The following SPTBN1 variants were observed in gnomAD, a reference collection of about 807,000 sequenced individuals.
The protein encoded by SPTBN1 is spectrin beta chain, non-erythrocytic 1.
A neutral mutation model predicts 266.4 loss-of-function variants in SPTBN1; 32 were observed. The observed-to-expected ratio is 0.12, with a 90% CI of 0.09 to 0.16. SPTBN1 has a LOEUF of 0.16. SPTBN1 is among the 10% of genes least tolerant of loss of function. The pLI, the probability that SPTBN1 is intolerant of heterozygous loss-of-function variation, is 1.00. For missense variants in SPTBN1, 2,296 were observed against 3,067.1 expected (o/e 0.75, Z 5.94); for synonymous variants, 1,336 against 1,162.2 (o/e 1.15, Z -3.04).
At chr2:54,504,688 G>T (rs544699218) in intron 1 of SPTBN1, among the ~76,000 whole-genome samples, 26 of 152,104 alleles carry the variant, frequency 1.7e-4, no homozygotes, top group African/African-American at 6.3e-4. Context: ...CATGGATTTT[G>T]GTATTCATAA....
intron 2 of SPTBN1, among the ~76,000 whole-genome samples, chr2:54,543,791 CA>C (rs1302654762): frequency 2.0e-5 from 3 of 151,480 alleles, no homozygotes; most frequent in East Asian, 3.9e-4. Flanking sequence ...CCTCCCACCC[CA>C]AAAAAAATGA....
At chr2:54,630,824 T>TTTTTTTTTTTTTCTG in intron 15 of SPTBN1, 31 bp from the exon 16 acceptor site, 1 of 1,531,824 alleles carries the variant, frequency 6.5e-7, no homozygotes. Context: ...CTTCCCTTTT[T>TTTTTTTTTTTTTCTG]CACACTCGCT....
intron 2 of SPTBN1, among the ~76,000 whole-genome samples, chr2:54,588,175 T>G (rs1675415547): frequency 6.6e-6 from 1 of 152,160 alleles, no homozygotes; most frequent in Non-Finnish European, 1.5e-5. Flanking sequence ...CTATGGGGTA[T>G]CATCAGCCTC....
chr2:54,618,331 T>G (rs923134621), intron 7 of SPTBN1, 138 bp downstream of exon 7: 1 of 704,440 alleles, frequency 1.4e-6, no homozygotes, highest in African/African-American at 1.8e-5. Context: ...GGGAATTTTT[T>G]GAGGATTTAT....
chr2:54,559,185 TCA>T (rs1673102775), intron 2 of SPTBN1, among the ~76,000 whole-genome samples: 1 of 152,230 alleles, frequency 6.6e-6, no homozygotes, highest in Non-Finnish European at 1.5e-5. Flanking sequence ...AGATCAGTGC[TCA>T]TAGACTTATT....
chr2:54,557,859 G>T, intron 2 of SPTBN1: 1 of 985,420 alleles, frequency 1.0e-6, no homozygotes, highest in Non-Finnish European at 1.2e-6. Context: ...GCTGCACAGC[G>T]CCCTGAGAGT....
chr2:54,657,162 G>T (rs1323859627), intron 29 of SPTBN1, among the ~76,000 whole-genome samples: 1 of 152,206 alleles, frequency 6.6e-6, no homozygotes, highest in Non-Finnish European at 1.5e-5. Flanking sequence ...TGGAACTAGT[G>T]TTCCATTTCC....
Position 54,558,457 on chromosome 2 carries a change from T to G in SPTBN1, c.148+31891T>G. ...ACCGTGGCATGCTTAGGATTGGCCA[T>G]ATTTAAAAGTTCTGAAGTAGAACCT... On this transcript the variant is annotated intron_variant, in intron 2 of 35. Transcript: ENST00000356805. This position sits in a 1 kb window ranked among gnomAD's most constrained non-coding sequence, Gnocchi z 4.6. The G allele has an allele frequency of 1.9e-6, 2 of 1,057,058 alleles. No homozygotes were observed. The highest frequency in any genetic ancestry group is 1.1e-6 in the Non-Finnish European group (1 of 875,970). 65.5% of individuals were successfully genotyped at this position (1,057,058 alleles called of 1,614,324 possible).
At chr2:54,494,476 A>G (rs35091831) in intron 1 of SPTBN1, among the ~76,000 whole-genome samples, 1,947 of 152,318 alleles carry the variant, frequency 0.013, 22 homozygotes, top group Non-Finnish European at 0.021. Context: ...AGTAACCCCA[A>G]ACTGGAAACA....
chr2:54,510,047 C>T (rs1310469658), intron 1 of SPTBN1, among the ~76,000 whole-genome samples: 1 of 151,514 alleles, frequency 6.6e-6, no homozygotes, highest in Non-Finnish European at 1.5e-5. Context: ...CAACCTCCGC[C>T]TCCCAGGCTC....
chr2:54,653,756 G>A lies in SPTBN1; in HGVS notation c.5725G>A (p.Asp1909Asn). Residue 1909 changes from aspartate to asparagine, a missense_variant, in exon 27 of 36, where the codon GAC (aspartate) becomes AAC (asparagine). Physicochemically the swap from Asp to Asn is conservative, Grantham distance 23. Around this residue, in one of 12 missense-constraint regions of SPTBN1, gnomAD observed 644 missense variants for 745.3 expected, o/e 0.86. Coordinates refer to ENST00000356805, the MANE Select transcript of SPTBN1 (RefSeq NM_003128.3). The surrounding 1 kb of genome is among the most constrained non-coding windows in gnomAD (Gnocchi z 5.1). The part of the protein sequence containing the change: ...ACESRRVRLV[D>N]TGDKFRFFSM... ...TGAGAGCCGCAGGGTGCGGCTGGTG[G>A]ACACAGGGGACAAGTTCCGCTTCTT... 1 of 1,614,220 alleles carries A rather than the reference G, an allele frequency of 6.2e-7. No individual in the cohort carries two copies. The highest frequency in any genetic ancestry group is 8.5e-7 in the Non-Finnish European group (1 of 1,180,038).
chr2:54,644,835 C>G (rs1327827370), intron 20 of SPTBN1, among the ~76,000 whole-genome samples: 1 of 152,132 alleles, frequency 6.6e-6, no homozygotes, highest in African/African-American at 2.4e-5. Context: ...TGATAATTTT[C>G]TTAGTTAATG....
At chr2:54,567,975 A>G (rs1673781379) in intron 2 of SPTBN1, among the ~76,000 whole-genome samples, 1 of 152,164 alleles carries the variant, frequency 6.6e-6, no homozygotes, top group African/African-American at 2.4e-5. Context: ...TAGATAGATG[A>G]CTTGGGGTTT....
chr2:54,650,369 A>G (rs1275623910), intron 26 of SPTBN1, among the ~76,000 whole-genome samples: 4 of 152,220 alleles, frequency 2.6e-5, no homozygotes, highest in African/African-American at 9.6e-5. Flanking sequence ...CTGGAAAAAG[A>G]AAAAAACAGG....
chr2:54,576,229 A>G (rs535988956), intron 2 of SPTBN1, among the ~76,000 whole-genome samples: 4 of 151,420 alleles, frequency 2.6e-5, no homozygotes, highest in African/African-American at 7.3e-5. Flanking sequence ...TAATGTTTGT[A>G]TTTTAGTAGA....
At chr2:54,569,007 G>A (rs114137055) in intron 2 of SPTBN1, among the ~76,000 whole-genome samples, 4,921 of 152,248 alleles carry the variant, frequency 0.032, 106 homozygotes, top group Non-Finnish European at 0.051. Context: ...AGGTTTTAGC[G>A]CTAATAGTGG....
chr2:54,587,509 G>C (rs1675371300), intron 2 of SPTBN1, among the ~76,000 whole-genome samples: 1 of 152,180 alleles, frequency 6.6e-6, no homozygotes, highest in African/African-American at 2.4e-5. Flanking sequence ...TATCTATTTA[G>C]TTCTAAGTTT....
chr2:54,560,880 C>T (rs1009461890), intron 2 of SPTBN1, among the ~76,000 whole-genome samples: 1 of 152,130 alleles, frequency 6.6e-6, no homozygotes, highest in Non-Finnish European at 1.5e-5. Flanking sequence ...ACAAATGAAC[C>T]GATTGCATTT....
intron 11 of SPTBN1, 123 bp downstream of exon 11, chr2:54,625,085 A>G (rs1451183360): frequency 4.1e-6 from 5 of 1,211,730 alleles, no homozygotes; most frequent in South Asian, 3.3e-5. Context: ...GAGGAACGTC[A>G]GGTCACCTTG....
Sources: gnomAD v4.1 joint callset for allele counts (sites outside exome capture counted in the v4.1 genomes callset) on GRCh38, gnomAD v4.1.1 for gene constraint, gnomAD v4.1.1 regional missense constraint, Gnocchi (gnomAD v3.1) non-coding constraint, MANE v1.5 for transcripts, NCBI Gene and HGNC (gene_info 2026-07-23, HGNC 2026-07-21) for gene names.